Variants in GALNT15 observed in about 807,000 individuals in gnomAD.
GALNT15 encodes the protein UDP-GalNAc transferase T15.
GALNT15 carries 67 observed loss-of-function variants against 66.8 expected under a neutral mutation model. The ratio of observed to expected loss-of-function variants is 1.00; its 90% confidence interval spans 0.82 to 1.23. The LOEUF (loss-of-function observed/expected upper bound fraction) is 1.23. GALNT15 is among the 50% of genes most tolerant of loss of function. The pLI, the probability that GALNT15 is intolerant of heterozygous loss-of-function variation, is 0.00. For synonymous variants in GALNT15, 313 were observed against 311.5 expected (o/e 1.00, Z -0.05); for missense variants, 827 against 804.3 (o/e 1.03, Z -0.34).
At chr3:16,246,321 G>GTTTTTTTT in the GALNT15 span, among the ~76,000 whole-genome samples, 1 of 85,266 alleles carries the variant, frequency 1.2e-5, no homozygotes, top group African/African-American at 4.8e-5. Context: ...TTTGAAAGTG[G>GTTTTTTTT]TTTTTTTTTT....
rs190460778 is a variant in GALNT15 at position 16,211,276 on chromosome 3, T to A, written c.1197+35T>A. 8.1e-5 allele frequency: 109 copies of A among 1,349,190 alleles called. No individual in the cohort carries two copies. In the East Asian group the frequency reaches 2.2e-3, roughly 27 times the overall value. 83.6% of individuals were successfully genotyped at this position (1,349,190 alleles called of 1,614,324 possible). ...GGACCAAGGGAGGACAGAGGTGGGA[T>A]CTCTGGAGTGGTGTGTATGGTCACA... On this transcript the variant is annotated intron_variant, in intron 5 of 9. Coordinates refer to ENST00000339732, the MANE Select transcript of GALNT15 (RefSeq NM_054110.5). This position sits in a 1 kb window ranked among gnomAD's most constrained non-coding sequence, Gnocchi z 4.3.
At chr3:16,216,366 G>A (rs1164546932) in intron 6 of GALNT15, among the ~76,000 whole-genome samples, 1 of 152,110 alleles carries the variant, frequency 6.6e-6, no homozygotes, top group Non-Finnish European at 1.5e-5. Flanking sequence ...GGGCGTGGTG[G>A]TGTGCACCTG....
In GALNT15 at chr3:16,209,502, A is replaced by T. The variant is rs1182142963; in HGVS notation, c.1079+832A>T. Among the ~76,000 whole-genome samples, 1 of 152,170 alleles carries T rather than the reference A, an allele frequency of 6.6e-6. No homozygotes were observed. The highest frequency in any genetic ancestry group is 1.5e-5 in the Non-Finnish European group (1 of 68,042). On this transcript the variant is annotated intron_variant, in intron 4 of 9. Transcript: ENST00000339732. This position sits in a 1 kb window ranked among gnomAD's most constrained non-coding sequence, Gnocchi z 4.1. ...TTGCAAAATCCAAAAAGCTCTAAAA[A>T]CCAAACATTTGTTTAATAATTCATT... is the stretch of plus-strand genomic sequence containing the variant.
chr3:16,219,541 C>G lies in GALNT15; in HGVS notation c.1524+7C>G. 1.9e-6 allele frequency: 3 copies of G among 1,613,902 alleles called. No individual in the cohort carries two copies. The highest frequency in any genetic ancestry group is 2.5e-6 in the Non-Finnish European group (3 of 1,179,908). On this transcript the variant is annotated splice_region_variant and intron_variant, in intron 7 of 9. Coordinates refer to ENST00000339732, the MANE Select transcript of GALNT15 (RefSeq NM_054110.5). The surrounding 1 kb of genome is among the most constrained non-coding windows in gnomAD (Gnocchi z 4.3). ...GCCCAGTTTCTCTGGAAAGGCAAGG[C>G]ATGACCCAGGGAAGATGGGGAGGGA...
chr3:16,232,514 ATT>A (rs55841407), downstream of GALNT15, among the ~76,000 whole-genome samples: 252 of 79,068 alleles, frequency 3.2e-3, 30 homozygotes, highest in African/African-American at 4.0e-3. Flanking sequence ...ATATATATTT[ATT>A]TAAAAGAGAC....
At chr3:16,215,447 T>C (rs1003854040) in intron 6 of GALNT15, among the ~76,000 whole-genome samples, 6 of 152,226 alleles carry the variant, frequency 3.9e-5, no homozygotes, top group African/African-American at 1.2e-4. Flanking sequence ...GAAGTAGAAC[T>C]AGAACTAGTC....
Position 16,175,101 on chromosome 3 carries a change from G to T in GALNT15, c.-51G>T. 6.4e-7 allele frequency: 1 copy of T among 1,551,288 alleles called. No individual in the cohort carries two copies. The highest frequency in any genetic ancestry group is 1.2e-5 in the South Asian group (1 of 82,306). ...TGCAAGCTTGAAGGAGCCTGGAGCG[G>T]GAGAAAGCTAACTTGAACATGACCT... On this transcript the variant is annotated 5_prime_UTR_variant, in exon 1 of 10. Coordinates refer to ENST00000339732, the MANE Select transcript of GALNT15 (RefSeq NM_054110.5). The surrounding 1 kb of genome is among the most constrained non-coding windows in gnomAD (Gnocchi z 5.6).
Position 16,219,932 on chromosome 3 carries a change from T to C in GALNT15, c.1547T>C (p.Leu516Pro). 3 of 1,614,192 alleles carry C rather than the reference T, an allele frequency of 1.9e-6. No homozygotes were observed. Among genetic ancestry groups the C allele is most frequent in the South Asian group, 2.2e-5 (2 of 91,082 alleles). ...SGKLHNTGLG[L>P]CADCQAEGDI... ...CAGCTCCACAACACTGGACTTGGGC[T>C]CTGTGCAGACTGCCAGGCAGAAGGG... Residue 516 changes from leucine (L) to proline (P), a missense_variant, in exon 8 of 10, where the codon CTC (leucine) becomes CCC (proline). Coordinates refer to ENST00000339732, the MANE Select transcript of GALNT15 (RefSeq NM_054110.5). The surrounding 1 kb of genome is among the most constrained non-coding windows in gnomAD (Gnocchi z 4.3).
intron 8 of GALNT15, among the ~76,000 whole-genome samples, chr3:16,221,362 T>C (rs1559693288): frequency 6.7e-6 from 1 of 148,578 alleles, no homozygotes; most frequent in Admixed American, 6.8e-5. Flanking sequence ...ATATGCCAGA[T>C]AAAAAAATAT....
intron 6 of GALNT15, among the ~76,000 whole-genome samples, chr3:16,216,630 A>G (rs1054768371): frequency 2.6e-5 from 4 of 152,188 alleles, no homozygotes; most frequent in African/African-American, 4.8e-5. Context: ...ATACATTGGC[A>G]TGCTTCTGGG....
chr3:16,233,119 G>A (rs1379571625), downstream of GALNT15, among the ~76,000 whole-genome samples: 19 of 12,116 alleles, frequency 1.6e-3, no homozygotes, highest in Non-Finnish European at 1.0e-3. Flanking sequence ...TTTTTGAAAC[G>A]GAGTCTGGCT....
At chr3:16,213,439 A>T (rs2063839583) in intron 6 of GALNT15, among the ~76,000 whole-genome samples, 1 of 125,226 alleles carries the variant, frequency 8.0e-6, no homozygotes. Context: ...TGAGTGACAG[A>T]GCAACTCCAT....
At chr3:16,194,268 G>A (rs536237587) in intron 1 of GALNT15, among the ~76,000 whole-genome samples, 2 of 152,122 alleles carry the variant, frequency 1.3e-5, no homozygotes, top group Non-Finnish European at 2.9e-5. Context: ...GCATGTTGTT[G>A]GCACTCACAG....
chr3:16,243,512 C>T, the GALNT15 span, among the ~76,000 whole-genome samples: 2 of 152,230 alleles, frequency 1.3e-5, no homozygotes, highest in Non-Finnish European at 2.9e-5. Context: ...GCCCACCCGC[C>T]AGCACCACCA....
Position 16,208,582 on chromosome 3 carries a change from G to T in GALNT15, c.991G>T (p.Gly331Trp), listed in dbSNP as rs1203056920. ...TTACCCCTCAAAGGACCTGCAGCGT[G>T]GGGTGTTGGACTGGAAGCTGGATTT... ...QYYPSKDLQR[G>W]VLDWKLDFHW... is the part of the protein sequence containing the mutation. The change falls in exon 4 of 10, where the codon GGG becomes TGG. Residue 331 changes from glycine (G) to tryptophan (W), a missense_variant. By Grantham distance (184) the Gly-to-Trp change is radical. Transcript: ENST00000339732. 5 of 1,614,018 alleles carry T rather than the reference G, an allele frequency of 3.1e-6. No homozygotes were observed. Among genetic ancestry groups the T allele is most frequent in the Non-Finnish European group, 4.2e-6 (5 of 1,180,008 alleles).
intron 3 of GALNT15, among the ~76,000 whole-genome samples, chr3:16,206,514 A>G (rs2063758409): frequency 6.6e-6 from 1 of 151,182 alleles, no homozygotes; most frequent in African/African-American, 2.4e-5. Context: ...GTATACTAAA[A>G]ATACAAAAAT....
chr3:16,193,731 G>A lies in GALNT15; in HGVS notation c.540-2029G>A, dbSNP rs1438533587. Among the ~76,000 whole-genome samples the A allele has an allele frequency of 4.6e-5, 7 of 152,152 alleles. No individual in the cohort carries two copies. The highest frequency in any genetic ancestry group is 2.6e-4 in the Admixed American group (4 of 15,274). On this transcript the variant is annotated intron_variant, in intron 1 of 9. Transcript: ENST00000339732. The surrounding 1 kb of genome is among the most constrained non-coding windows in gnomAD (Gnocchi z 4.7). The stretch of plus-strand genomic sequence containing the variant: ...CCTCAGCCTGGTTGTCACTCTGCCC[G>A]CAGTTCCACCTCACAGATTCCTTTA...
rs1221801025 is a variant in GALNT15, at chr3:16,222,851, G to C, written c.1773+93G>C. On this transcript the variant is annotated intron_variant, in intron 9 of 9. Transcript: ENST00000339732. The stretch of plus-strand genomic sequence containing the variant: ...ATCCTGGGCTCTTCCAAGAGGTCAG[G>C]TATTAGGGACCTCTGCCTCTGCTTT... 2.9e-6 allele frequency: 4 copies of C among 1,401,248 alleles called. No homozygotes were observed. The East Asian group carries it at 9.5e-5, about 33-fold the overall frequency. The allele number at this position is 1,401,248 out of a possible 1,614,324, so 86.8% of individuals were successfully genotyped here.
chr3:16,236,475 A>G (rs527664574), downstream of GALNT15, among the ~76,000 whole-genome samples: 47 of 152,402 alleles, frequency 3.1e-4, no homozygotes, highest in Non-Finnish European at 5.0e-4. Flanking sequence ...GTGGTTGGCC[A>G]GATTTGGCCA....
Sources: gnomAD v4.1 joint callset for allele counts (sites outside exome capture counted in the v4.1 genomes callset) on GRCh38, gnomAD v4.1.1 for gene constraint, Gnocchi (gnomAD v3.1) non-coding constraint, MANE v1.5 for transcripts, NCBI Gene and HGNC (gene_info 2026-07-23, HGNC 2026-07-21) for gene names.